The following ACTN3 variants were observed in gnomAD, a reference collection of about 807,000 sequenced individuals.
ACTN3 encodes actinin alpha 3.
ACTN3 carries 91 observed loss-of-function variants against 119.6 expected under a neutral mutation model. The ratio of observed to expected loss-of-function variants is 0.76; its 90% CI spans 0.64 to 0.91. The LOEUF is 0.91. Among genes scored for constraint, ACTN3 ranks in the 40% least tolerant of loss-of-function variants. The probability of loss-of-function intolerance (pLI) is 0.00; values close to 1 mark genes in which losing one functional copy is unlikely to be tolerated. For synonymous variants in ACTN3, 456 were observed against 478.8 expected (o/e 0.95, Z 0.62); for missense variants, 1,221 against 1,215.1 (o/e 1.00, Z -0.07).
In ACTN3 at chr11:66,562,100, C is replaced by T. The variant is rs763208690; in HGVS notation, c.2254C>T (p.Arg752Ter). The change falls in exon 18 of 21, where the codon CGA becomes TGA. Residue 752 changes from arginine (R) to a stop codon, truncating the protein, a stop_gained. Transcript: ENST00000513398. LOFTEE classifies it high-confidence loss of function. ...INEVENQVLT[R>*]DAKGLSQEQL... ...TGAAGTGGAGAACCAGGTACTGACC[C>T]GAGACGCCAAGGGACTGAGCCAGGA... 2.4e-5 allele frequency: 39 copies of T among 1,613,846 alleles called. No individual in the cohort carries two copies. The South Asian group carries it at 3.5e-4, about 15-fold the overall frequency.
chr11:66,561,931 C>A, intron 17 of ACTN3, 91 bp from the exon 18 acceptor site: 1 of 1,488,134 alleles, frequency 6.7e-7, no homozygotes, highest in Non-Finnish European at 9.1e-7. Context: ...GGAGGACTTG[C>A]CCAGGGTCAT....
At position 66,559,372 on chromosome 11, in the gene ACTN3, G is replaced by A; in HGVS notation, c.1413G>A (p.Leu471=). 10 of 1,545,730 alleles carry A rather than the reference G, an allele frequency of 6.5e-6. No homozygotes were observed. The highest frequency in any genetic ancestry group is 8.7e-6 in the Non-Finnish European group (10 of 1,152,674). ...HQDRVEHIAA[L]AQELNELDYH... is the part of the protein sequence containing the mutation. ...ACCGCGTGGAGCACATTGCCGCGCT[G>A]GCCCAGGAGCTCAAGTAGGCGGGGC... Residue 471 remains leucine (L), a synonymous_variant, in exon 12 of 21, where the codon CTG becomes CTA. Coordinates refer to ENST00000513398, the MANE Select transcript of ACTN3 (RefSeq NM_001104.4).
intron 17 of ACTN3, 177 bp downstream of exon 17, chr11:66,561,814 C>A: frequency 1.8e-6 from 1 of 566,802 alleles, no homozygotes; most frequent in Non-Finnish European, 2.2e-6. Flanking sequence ...CGTCCAAAAC[C>A]AGGCCAAGAT....
Position 66,561,227 on chromosome 11 carries a change from G to A in ACTN3, c.1861G>A (p.Val621Ile), listed in dbSNP as rs1368969405. The A allele has an allele frequency of 1.3e-6, 2 of 1,559,466 alleles. No individual in the cohort carries two copies. Among genetic ancestry groups the A allele is most frequent in the East Asian group, 4.7e-5 (2 of 42,940 alleles). ...TCTGGCATAACTGCCCTCCTCCCAG[G>A]TCCGAAAGCTGGTGCCCAGCTGTGA... Reference protein sequence around the residue: ...PQDINTKWDMVRKLVPSCDQT... With the variant: ...PQDINTKWDMIRKLVPSCDQT... The change falls in exon 16 of 21, where the codon GTC (valine) becomes ATC (isoleucine). Residue 621 changes from valine to isoleucine, a missense_variant and splice_region_variant. Physicochemically the swap from Val to Ile is conservative, Grantham distance 29 (BLOSUM62 3). Transcript: ENST00000513398.
At chr11:66,560,111 A>AGGGGGGGGGGGG in intron 13 of ACTN3, 35 bp downstream of exon 13, 1 of 694,088 alleles carries the variant, frequency 1.4e-6, no homozygotes, top group Non-Finnish European at 2.1e-6. Flanking sequence ...GGGGGTGGGT[A>AGGGGGGGGGGGG]GGTGGGTGAG....
Position 66,563,187 on chromosome 11 carries a change from C to T in ACTN3, c.2700C>T (p.Asp900=). Residue 900 remains aspartate, a synonymous_variant, in exon 21 of 21, where the codon GAC becomes GAT. Coordinates refer to ENST00000513398, the MANE Select transcript of ACTN3 (RefSeq NM_001104.4). The stretch of plus-strand genomic sequence containing the variant: ...CCAGTGCCCTCTATGGGGAGAGCGA[C>T]CTTTGACCCCAACCACTGAGGTTCT... ...AFSSALYGES[D]L is the part of the protein sequence containing the mutation. 1 of 1,600,708 alleles carries T rather than the reference C, an allele frequency of 6.2e-7. No homozygotes were observed. Among genetic ancestry groups the T allele is most frequent in the Non-Finnish European group, 8.5e-7 (1 of 1,172,242 alleles).
At chr11:66,551,770 G>A (rs2134920416) in intron 3 of ACTN3, 123 bp downstream of exon 3, 1 of 1,434,104 alleles carries the variant, frequency 7.0e-7, no homozygotes, top group Non-Finnish European at 9.4e-7. Flanking sequence ...CCTCGCAAGA[G>A]AGCCTGTAAA....
Position 66,547,024 on chromosome 11 carries a change from G to T in ACTN3, c.87G>T (p.Gln29His). 1 of 1,520,272 alleles carries T rather than the reference G, an allele frequency of 6.6e-7. No individual in the cohort carries two copies. The highest frequency in any genetic ancestry group is 2.2e-5 in the Admixed American group (1 of 44,608). The allele number at this position is 1,520,272 out of a possible 1,614,324, so 94.2% of individuals were successfully genotyped here. Residue 29 changes from glutamine (Q) to histidine (H), a missense_variant, in exon 1 of 21, where the codon CAG becomes CAT. By Grantham distance (24) the Gln-to-His change is conservative (BLOSUM62 0). Around this residue, in one of 3 missense-constraint regions of ACTN3, gnomAD observed 239 missense variants for 231.8 expected, o/e 1.03. Coordinates refer to ENST00000513398, the MANE Select transcript of ACTN3 (RefSeq NM_001104.4). The stretch of plus-strand genomic sequence containing the variant: ...GCGGGGGCGGCGAGTACATGGAACA[G>T]GAGGAGGACTGGGACCGCGACCTGC... ...GGGGGGEYME[Q>H]EEDWDRDLLL...
chr11:66,560,882 G>A (rs910753844), intron 15 of ACTN3, 127 bp downstream of exon 15: 45 of 1,070,180 alleles, frequency 4.2e-5, no homozygotes, highest in African/African-American at 6.3e-5. Context: ...CAGACTCCAC[G>A]TGGGATTGGA....
Position 66,555,280 on chromosome 11 carries a change from T to G in ACTN3, c.637-6T>G. The G allele has an allele frequency of 1.2e-6, 2 of 1,613,732 alleles. No homozygotes were observed. Among genetic ancestry groups the G allele is most frequent in the Non-Finnish European group, 1.7e-6 (2 of 1,179,788 alleles). ...CCTTTCACCCTCCTCCCTTACACCC[T>G]TCTAGGATGACCCCATCGGAAACCT... On this transcript the variant is annotated splice_polypyrimidine_tract_variant and splice_region_variant and intron_variant, in intron 6 of 20. Transcript: ENST00000513398.
intron 3 of ACTN3, among the ~76,000 whole-genome samples, chr11:66,552,908 ACAC>A (rs1857509245): frequency 6.7e-6 from 1 of 149,750 alleles, no homozygotes; most frequent in South Asian, 2.1e-4. Context: ...ACACACACAC[ACAC>A]AAAGAGAAAA....
chr11:66,559,414 C>A, intron 12 of ACTN3, 28 bp downstream of exon 12: 1 of 1,454,046 alleles, frequency 6.9e-7, no homozygotes. Flanking sequence ...GGGCCCGCCC[C>A]CAACACCCCC....
In ACTN3 at chr11:66,560,636, G is replaced by A. The variant is rs144238180; in HGVS notation, c.1741G>A (p.Ala581Thr). 1.5e-5 allele frequency: 25 copies of A among 1,613,844 alleles called. No individual in the cohort carries two copies. In the African/African-American group the frequency reaches 3.1e-4, roughly 20 times the overall value. Residue 581 changes from alanine (A) to threonine (T), a missense_variant, in exon 15 of 21, where the codon GCC becomes ACC. Coordinates refer to ENST00000513398, the MANE Select transcript of ACTN3 (RefSeq NM_001104.4). ...TLPEADRERG[A>T]IMGIQGEIQK... ...GCCCGAGGCTGACCGAGAGCGAGGT[G>A]CCATCATGGGCATCCAGGGTGAGAT...
At chr11:66,560,864 G>A in intron 15 of ACTN3, 109 bp downstream of exon 15, 1 of 1,236,266 alleles carries the variant, frequency 8.1e-7, no homozygotes, top group Non-Finnish European at 1.1e-6. Context: ...CAGATGTGGG[G>A]TCTGCCACAG....
rs763136343 is a variant in ACTN3, at chr11:66,551,564, G to A, written c.299G>A (p.Arg100His). 6 of 1,614,142 alleles carry A rather than the reference G, an allele frequency of 3.7e-6. No homozygotes were observed. The highest frequency in any genetic ancestry group is 2.2e-5 in the East Asian group (1 of 44,886). The change falls in exon 3 of 21, where the codon CGC becomes CAC. Residue 100 changes from arginine (R) to histidine (H), a missense_variant. Arg to His is a conservative substitution (Grantham distance 29). Transcript: ENST00000513398. ...RLPRPDKGKM[R>H]FHKIANVNKA... ...CCTAGGCCAGATAAAGGCAAGATGC[G>A]CTTCCACAAAATCGCCAACGTTAAC...
intron 3 of ACTN3, 32 bp from the exon 4 acceptor site, chr11:66,554,013 G>C: frequency 6.2e-7 from 1 of 1,603,734 alleles, no homozygotes; most frequent in South Asian, 1.1e-5. Context: ...TTGAATGCCA[G>C]GCAAATCTGT....
intron 8 of ACTN3, 129 bp from the exon 9 acceptor site, chr11:66,557,004 G>A (rs1338832373): frequency 1.6e-5 from 11 of 680,330 alleles, no homozygotes; most frequent in East Asian, 5.8e-5. Flanking sequence ...CTCGTGATCC[G>A]CCCGCCTCGG....
At chr11:66,546,688 G>A (rs1857348677), upstream of ACTN3, 1 of 1,533,572 alleles carries the variant, frequency 6.5e-7, no homozygotes, top group African/African-American at 1.4e-5. Context: ...CAGCGCCCCA[G>A]CAGCGGAGCA....
chr11:66,561,711 A>G, intron 17 of ACTN3, 74 bp downstream of exon 17: 1 of 1,495,782 alleles, frequency 6.7e-7, no homozygotes, highest in East Asian at 2.4e-5. Context: ...ACAGCTGGAC[A>G]GAGCATGTGT....
Sources: gnomAD v4.1 joint callset for allele counts (sites outside exome capture counted in the v4.1 genomes callset) on GRCh38, gnomAD v4.1.1 for gene constraint, gnomAD v4.1.1 regional missense constraint, MANE v1.5 for transcripts, NCBI Gene and HGNC (gene_info 2026-07-23, HGNC 2026-07-21) for gene names.